The following SCHIP1 variants were observed in gnomAD, a reference collection of about 807,000 sequenced individuals.
SCHIP1 encodes the protein schwannomin-interacting protein 1.
Under a neutral mutation model 29.7 loss-of-function variants are expected in SCHIP1, and 8 were observed. The ratio of observed to expected loss-of-function variants is 0.27; its 90% confidence interval spans 0.16 to 0.49. SCHIP1 has a LOEUF of 0.49. Among genes scored for constraint, SCHIP1 ranks in the 20% least tolerant of loss-of-function variants. The pLI, the probability that SCHIP1 is intolerant of heterozygous loss-of-function variation, is 0.99. For missense variants in SCHIP1, 193 were observed against 294.6 expected, an observed-to-expected ratio of 0.66 and a Z score of 2.52; for synonymous variants, 76 against 94.9, an observed-to-expected ratio of 0.80 and a Z score of 1.16.
At chr3:159,890,963 A>G (rs1717460372) in intron 5 of SCHIP1, among the ~76,000 whole-genome samples, 1 of 152,188 alleles carries the variant, frequency 6.6e-6, no homozygotes, top group Non-Finnish European at 1.5e-5. Context: ...GTCTGGGCCT[A>G]GCAGCTGTAA....
chr3:159,589,897 A>G, the SCHIP1 span, among the ~76,000 whole-genome samples: 1 of 152,220 alleles, frequency 6.6e-6, no homozygotes, highest in Non-Finnish European at 1.5e-5. Context: ...AGTCTGAGAA[A>G]GGAAGAAAAT....
chr3:159,670,894 T>G, the SCHIP1 span, among the ~76,000 whole-genome samples: 2 of 151,944 alleles, frequency 1.3e-5, no homozygotes, highest in Non-Finnish European at 2.9e-5. Flanking sequence ...TGTGGGTGTG[T>G]GTGTGTAAGT....
chr3:159,634,728 T>C, the SCHIP1 span, among the ~76,000 whole-genome samples: 1 of 152,224 alleles, frequency 6.6e-6, no homozygotes, highest in Non-Finnish European at 1.5e-5. Context: ...AAAGTATACA[T>C]TATATGTGAA....
At chr3:159,423,750 G>A in the SCHIP1 span, among the ~76,000 whole-genome samples, 1 of 152,144 alleles carries the variant, frequency 6.6e-6, no homozygotes, top group African/African-American at 2.4e-5. Context: ...CGGGCAGACT[G>A]CCTCCTCAAG....
chr3:159,821,922 G>A, the SCHIP1 span, among the ~76,000 whole-genome samples: 1 of 152,226 alleles, frequency 6.6e-6, no homozygotes, highest in Non-Finnish European at 1.5e-5. Flanking sequence ...GTGACTCACA[G>A]GCAGGGACTG....
At chr3:159,441,679 A>C in the SCHIP1 span, among the ~76,000 whole-genome samples, 2 of 152,094 alleles carry the variant, frequency 1.3e-5, no homozygotes, top group African/African-American at 4.8e-5. Flanking sequence ...CACCAATACA[A>C]AAATCTGATG....
the SCHIP1 span, among the ~76,000 whole-genome samples, chr3:159,585,022 C>T: frequency 6.6e-6 from 1 of 152,116 alleles, no homozygotes; most frequent in Non-Finnish European, 1.5e-5. Context: ...CAAATGTTAC[C>T]TTCTCAATGA....
At chr3:159,495,022 T>A in the SCHIP1 span, among the ~76,000 whole-genome samples, 1 of 152,150 alleles carries the variant, frequency 6.6e-6, no homozygotes, top group Admixed American at 6.5e-5. Flanking sequence ...ATTATCTCAA[T>A]AGATGCAGAA....
At chr3:159,579,044 A>G in the SCHIP1 span, among the ~76,000 whole-genome samples, 1 of 152,202 alleles carries the variant, frequency 6.6e-6, no homozygotes, top group Non-Finnish European at 1.5e-5. Context: ...GCATTATGCC[A>G]TACCTAGCTG....
chr3:159,854,753 T>C (rs1244212240), intron 1 of SCHIP1, among the ~76,000 whole-genome samples: 1 of 152,218 alleles, frequency 6.6e-6, no homozygotes, highest in African/African-American at 2.4e-5. Flanking sequence ...ATGGTGTCCT[T>C]TGTCAGACCA....
the SCHIP1 span, among the ~76,000 whole-genome samples, chr3:159,654,243 ACTCTGGCACCATG>A: frequency 6.6e-6 from 1 of 152,120 alleles, no homozygotes; most frequent in African/African-American, 2.4e-5. Context: ...ACCACTTTTT[ACTCTGGCACCATG>A]CTCTTTCCCC....
chr3:159,341,482 A>G, the SCHIP1 span, among the ~76,000 whole-genome samples: 1 of 152,180 alleles, frequency 6.6e-6, no homozygotes, highest in Non-Finnish European at 1.5e-5. Context: ...GAAAGTTGGC[A>G]GGTAGATGCA....
the SCHIP1 span, among the ~76,000 whole-genome samples, chr3:159,439,878 A>C: frequency 6.6e-6 from 1 of 152,108 alleles, no homozygotes; most frequent in African/African-American, 2.4e-5. Context: ...GAAGCTCATT[A>C]GTTTCTTAAT....
rs377484621 is a variant in SCHIP1, at chr3:159,848,081, A to G, written c.30+7867A>G. On this transcript the variant is annotated intron_variant, in intron 1 of 6. Transcript: ENST00000445224. ...AATGTGGTCAGTGTTCTCAGAGTTAATAATTTCCACCAATGGCTGATAATG... is the reference window on the plus strand; with the variant it reads ...AATGTGGTCAGTGTTCTCAGAGTTAGTAATTTCCACCAATGGCTGATAATG... Among the ~76,000 whole-genome samples the G allele has an allele frequency of 3.0e-4, 45 of 152,328 alleles. 2 individuals carry two copies. In the South Asian group the frequency reaches 9.1e-3, roughly 31 times the overall value.
chr3:159,797,412 G>T, the SCHIP1 span, among the ~76,000 whole-genome samples: 460 of 152,188 alleles, frequency 3.0e-3, 2 homozygotes, highest in Non-Finnish European at 3.6e-3. Flanking sequence ...ACTTCATGCA[G>T]TTTCTTATTG....
the SCHIP1 span, chr3:159,721,933 G>C: frequency 7.2e-4 from 305 of 422,344 alleles, no homozygotes; most frequent in Non-Finnish European, 2.1e-4. Context: ...ATGTTTTCTT[G>C]AAGTTCATAA....
the SCHIP1 span, among the ~76,000 whole-genome samples, chr3:159,328,573 G>C: frequency 1.3e-5 from 2 of 152,158 alleles, no homozygotes; most frequent in African/African-American, 4.8e-5. Context: ...GTGGAAAAAG[G>C]CATTATAAGC....
the SCHIP1 span, among the ~76,000 whole-genome samples, chr3:159,800,213 C>T: frequency 6.6e-6 from 1 of 152,150 alleles, no homozygotes; most frequent in Non-Finnish European, 1.5e-5. Flanking sequence ...ACACAGATAA[C>T]ACTCTGATTT....
the SCHIP1 span, among the ~76,000 whole-genome samples, chr3:159,563,968 T>C: frequency 2.0e-5 from 3 of 152,202 alleles, no homozygotes; most frequent in African/African-American, 7.2e-5. Context: ...AAGCACTTAC[T>C]GCCTTCTGCC....
Sources: allele counts gnomAD v4.1 joint callset (sites outside exome capture counted in the v4.1 genomes callset), GRCh38; gene constraint gnomAD v4.1.1; transcripts MANE v1.5; gene names NCBI Gene and HGNC (gene_info 2026-07-23, HGNC 2026-07-21).